The following CDC5L variants were observed in gnomAD, a reference collection of about 807,000 sequenced individuals.
CDC5L encodes cell division cycle 5-like protein.
CDC5L carries 18 observed loss-of-function variants against 104.1 expected under a neutral mutation model. The observed-to-expected ratio is 0.17, with a 90% CI of 0.12 to 0.26. The LOEUF (loss-of-function observed/expected upper bound fraction) is 0.26. Among genes scored for constraint, CDC5L ranks in the 10% least tolerant of loss-of-function variants. CDC5L has a pLI of 1.00. For synonymous variants in CDC5L, 331 were observed against 322.7 expected (o/e 1.03, Z -0.28); for missense variants, 673 against 956.9 (o/e 0.70, Z 3.91).
In CDC5L at chr6:44,446,463, T is replaced by G. The variant is rs1368446702; in HGVS notation, c.2305-144T>G. 3 of 471,372 alleles carry G rather than the reference T, an allele frequency of 6.4e-6. No individual in the cohort carries two copies. In the Admixed American group the frequency reaches 1.2e-4, roughly 19 times the overall value. The allele number at this position is 471,372 out of a possible 1,614,324, so 29.2% of individuals were successfully genotyped here. On this transcript the variant is annotated intron_variant, in intron 15 of 15. Transcript: ENST00000371477. ...TGATACTGGTTTTATAGCAAAAGTA[T>G]TTGATATGTTTGTTTCTCTTTGAGA...
At chr6:44,394,605 C>A (rs559075362) in intron 4 of CDC5L, among the ~76,000 whole-genome samples, 1 of 151,888 alleles carries the variant, frequency 6.6e-6, no homozygotes, top group South Asian at 2.1e-4. Flanking sequence ...CCTGTAATCC[C>A]AGCACGTTGG....
chr6:44,408,136 A>G (rs1162256341), intron 7 of CDC5L, among the ~76,000 whole-genome samples: 3 of 152,200 alleles, frequency 2.0e-5, no homozygotes, highest in South Asian at 4.1e-4. Context: ...AAGCTATATT[A>G]TGGAAACTTT....
chr6:44,404,109 G>T, intron 6 of CDC5L, 82 bp downstream of exon 6: 1 of 838,784 alleles, frequency 1.2e-6, no homozygotes. Context: ...CCTTGTCAGA[G>T]CCAGATTTTT....
At chr6:44,408,976 G>C (rs1791504726) in intron 8 of CDC5L, among the ~76,000 whole-genome samples, 1 of 152,134 alleles carries the variant, frequency 6.6e-6, no homozygotes. Context: ...TCTGTACTTA[G>C]CTTCACATAG....
chr6:44,432,012 TAATC>T (rs1428403837), intron 14 of CDC5L, among the ~76,000 whole-genome samples: 1 of 152,220 alleles, frequency 6.6e-6, no homozygotes, highest in African/African-American at 2.4e-5. Context: ...AAAGAATACT[TAATC>T]AAGTCCTTTA....
At chr6:44,399,558 A>G (rs1390443082) in intron 5 of CDC5L, among the ~76,000 whole-genome samples, 1 of 152,086 alleles carries the variant, frequency 6.6e-6, no homozygotes. Flanking sequence ...AGATTGCATA[A>G]TTGTTACTGC....
intron 11 of CDC5L, 47 bp from the exon 12 acceptor site, chr6:44,426,056 T>C (rs1450249092): frequency 2.0e-5 from 26 of 1,280,976 alleles, no homozygotes; most frequent in Non-Finnish European, 2.9e-5. Context: ...CTGAGAGATA[T>C]CAAATACGCT....
chr6:44,421,550 A>C (rs1222208849), intron 9 of CDC5L, among the ~76,000 whole-genome samples: 1 of 152,194 alleles, frequency 6.6e-6, no homozygotes, highest in East Asian at 1.9e-4. Context: ...CTTGTAAGAG[A>C]GCATAATCCC....
At chr6:44,411,608 CAG>C (rs1292898511) in intron 8 of CDC5L, among the ~76,000 whole-genome samples, 5 of 135,326 alleles carry the variant, frequency 3.7e-5, no homozygotes, top group African/African-American at 1.1e-4. Flanking sequence ...CTGTGAGAGA[CAG>C]AGAGAGAGAG....
rs906942099 is a variant in CDC5L, at chr6:44,390,148, G to A, written c.46-120G>A. The A allele has an allele frequency of 2.7e-5, 17 of 627,442 alleles. 1 individual carries two copies. Among genetic ancestry groups the A allele is most frequent in the African/African-American group, 1.9e-4 (10 of 54,016 alleles). The allele number at this position is 627,442 out of a possible 1,614,324, so 38.9% of individuals were successfully genotyped here. On this transcript the variant is annotated intron_variant, in intron 1 of 15. Coordinates refer to ENST00000371477, the MANE Select transcript of CDC5L (RefSeq NM_001253.4). Reference sequence around the variant, plus strand: ...TCATCCTTAGTCTTTTAACCTAGGTGGTGTGTATGTGCATGTTATATGTCT... The same window carrying A: ...TCATCCTTAGTCTTTTAACCTAGGTAGTGTGTATGTGCATGTTATATGTCT...
intron 8 of CDC5L, among the ~76,000 whole-genome samples, chr6:44,412,944 G>A (rs1250440874): frequency 6.6e-6 from 1 of 151,056 alleles, no homozygotes; most frequent in Non-Finnish European, 1.5e-5. Context: ...CACTACGCCC[G>A]GCTAATTTTT....
chr6:44,447,047 T>A lies in CDC5L; in HGVS notation c.*336T>A, dbSNP rs953974834. On this transcript the variant is annotated 3_prime_UTR_variant, in exon 16 of 16. Transcript: ENST00000371477. Reference sequence around the variant, plus strand: ...AAAACAAAATATAAAAAATTGAGAATGTAGCCTTTTGTTTGAAGTAATTAG... The same window carrying A: ...AAAACAAAATATAAAAAATTGAGAAAGTAGCCTTTTGTTTGAAGTAATTAG... The A allele has an allele frequency of 6.1e-6, 1 of 164,950 alleles. No homozygotes were observed. The highest frequency in any genetic ancestry group is 2.4e-5 in the African/African-American group (1 of 41,808). 10.2% of individuals were successfully genotyped at this position (164,950 alleles called of 1,614,324 possible).
At chr6:44,415,675 T>C (rs941010075) in intron 8 of CDC5L, among the ~76,000 whole-genome samples, 3 of 152,056 alleles carry the variant, frequency 2.0e-5, no homozygotes, top group Non-Finnish European at 4.4e-5. Context: ...TAAGAACACA[T>C]CTCTTGCACA....
At chr6:44,436,083 A>G (rs1490106294) in intron 14 of CDC5L, among the ~76,000 whole-genome samples, 1 of 152,070 alleles carries the variant, frequency 6.6e-6, no homozygotes, top group Non-Finnish European at 1.5e-5. Context: ...CAGCCGAGTA[A>G]TTGTTTTTAT....
At chr6:44,388,229 CTT>C (rs1329092438) in intron 1 of CDC5L, among the ~76,000 whole-genome samples, 1 of 150,018 alleles carries the variant, frequency 6.7e-6, no homozygotes, top group African/African-American at 2.5e-5. Context: ...ACCATCCACT[CTT>C]AGTCCAGGCA....
At position 44,445,850 on chromosome 6, in the gene CDC5L, A is replaced by G. The variant is rs151321742; in HGVS notation, c.2287A>G (p.Ile763Val). ...ACTCAAGAAACATGAAGATTCTGCT[A>G]TTCCCCGGAGGCTAGAGGTAACGTT... ...EELKKHEDSAIPRRLECLKED... is the reference protein window; with the variant it reads ...EELKKHEDSAVPRRLECLKED... The change falls in exon 15 of 16, where the codon ATT becomes GTT. Residue 763 changes from isoleucine to valine, a missense_variant. By Grantham distance (29) the Ile-to-Val change is conservative. Transcript: ENST00000371477. 6 of 1,613,224 alleles carry G rather than the reference A, an allele frequency of 3.7e-6. No individual in the cohort carries two copies. Among genetic ancestry groups the G allele is most frequent in the Admixed American group, 3.3e-5 (2 of 59,988 alleles).
In CDC5L at chr6:44,408,645, G is replaced by A. The variant is rs756677489; in HGVS notation, c.1092+13G>A. The A allele has an allele frequency of 1.0e-4, 163 of 1,564,096 alleles. No homozygotes were observed. Among genetic ancestry groups the A allele is most frequent in the Middle Eastern group, 1.0e-3 (6 of 5,858 alleles). Reference sequence around the variant, plus strand: ...CAGAATTCTGCAGGTAACGTGTCACGTAGTAGAATGAGGCTTTTACTTTGT... The same window carrying A: ...CAGAATTCTGCAGGTAACGTGTCACATAGTAGAATGAGGCTTTTACTTTGT... On this transcript the variant is annotated intron_variant, in intron 8 of 15. Coordinates refer to ENST00000371477, the MANE Select transcript of CDC5L (RefSeq NM_001253.4).
At position 44,426,142 on chromosome 6, in the gene CDC5L, A is replaced by G; in HGVS notation, c.1609A>G (p.Met537Val). Residue 537 changes from methionine to valine, a missense_variant, in exon 12 of 16, where the codon ATG becomes GTG. Physicochemically the swap from Met to Val is conservative, Grantham distance 21. Transcript: ENST00000371477. ...AGAGCGTGTAAAGGAAATGAAACGA[A>G]TGCATAAAGCTGTCCAGAAAGATCT... ...DAERVKEMKR[M>V]HKAVQKDLPR... 1.9e-6 allele frequency: 3 copies of G among 1,609,690 alleles called. No individual in the cohort carries two copies. Among genetic ancestry groups the G allele is most frequent in the Non-Finnish European group, 2.5e-6 (3 of 1,177,724 alleles).
chr6:44,401,347 G>A (rs967732240), intron 5 of CDC5L, among the ~76,000 whole-genome samples: 1 of 152,178 alleles, frequency 6.6e-6, no homozygotes, highest in Non-Finnish European at 1.5e-5. Context: ...CATCTCATAA[G>A]CCAGGGCAAA....
Sources: allele counts gnomAD v4.1 joint callset (sites outside exome capture counted in the v4.1 genomes callset), GRCh38; gene constraint gnomAD v4.1.1; transcripts MANE v1.5; gene names NCBI Gene and HGNC (gene_info 2026-07-23, HGNC 2026-07-21).